Variants in VWF observed in about 807,000 individuals in gnomAD.
The protein encoded by VWF is Factor VIII related antigen.
VWF carries 176 observed loss-of-function variants against 308.6 expected under a neutral mutation model. The ratio of observed to expected loss-of-function variants is 0.57; its 90% confidence interval spans 0.50 to 0.65. VWF has a LOEUF of 0.65. Ranked by LOEUF, VWF falls within the 30% of genes least tolerant of loss-of-function variation. VWF has a pLI of 0.00. For synonymous variants in VWF, 1,385 were observed against 1,443.4 expected, an observed-to-expected ratio of 0.96 and a Z score of 0.92; for missense variants, 3,146 against 3,648.2, an observed-to-expected ratio of 0.86 and a Z score of 3.55.
intron 13 of VWF, among the ~76,000 whole-genome samples, chr12:6,062,135 C>T (rs1944660904): frequency 6.6e-6 from 1 of 152,102 alleles, no homozygotes. Flanking sequence ...AATCCTCCTA[C>T]AAGATCTTGA....
chr12:6,065,023 C>T, intron 11 of VWF, 114 bp downstream of exon 11: 1 of 1,479,426 alleles, frequency 6.8e-7, no homozygotes, highest in Non-Finnish European at 9.2e-7. Context: ...GAAGAGACCT[C>T]CCTCATGCAC....
chr12:6,046,966 T>C lies in VWF; in HGVS notation c.2187-149A>G. ...AAGCACAGCTTGCTAACGTTACCAA[T>C]GGATGATCCCCACGTCACTAAATCC... On this transcript the variant is annotated intron_variant, in intron 16 of 51. Coordinates refer to ENST00000261405, the MANE Select transcript of VWF (RefSeq NM_000552.5). The surrounding 1 kb of genome is among the most constrained non-coding windows in gnomAD (Gnocchi z 5.0). 3 of 726,728 alleles carry C rather than the reference T, an allele frequency of 4.1e-6. No homozygotes were observed. The highest frequency in any genetic ancestry group is 7.4e-6 in the Non-Finnish European group (3 of 407,968). 45.0% of individuals were successfully genotyped at this position (726,728 alleles called of 1,614,324 possible). A position where few individuals can be genotyped will look rare whatever the true frequency, so the allele number is the denominator to read the frequency against.
In VWF at chr12:5,949,794, A is replaced by G; in HGVS notation, c.8245T>C (p.Tyr2749His). The G allele has an allele frequency of 6.2e-7, 1 of 1,613,990 alleles. No individual in the cohort carries two copies. The highest frequency in any genetic ancestry group is 8.5e-7 in the Non-Finnish European group (1 of 1,179,842). ...TGAAGCAGAGCCCTTACCTGGCAGT[A>G]GTGGATATCCACCTCTACTTCAGAC... is the stretch of plus-strand genomic sequence containing the variant. ...CKSEVEVDIH[Y>H]CQGKCASKAM... The change falls in exon 51 of 52, where the codon TAC becomes CAC. Residue 2749 changes from tyrosine (Y) to histidine (H), a missense_variant. Transcript: ENST00000261405.
chr12:6,003,004 C>T (rs2136394853), intron 34 of VWF, among the ~76,000 whole-genome samples: 1 of 152,106 alleles, frequency 6.6e-6, no homozygotes, highest in Middle Eastern at 3.4e-3. Flanking sequence ...AGTAAATCAA[C>T]AGAAACTATC....
At chr12:5,989,822 G>A (rs1943718169) in intron 38 of VWF, among the ~76,000 whole-genome samples, 1 of 152,162 alleles carries the variant, frequency 6.6e-6, no homozygotes, top group African/African-American at 2.4e-5. Context: ...TCTCATCACA[G>A]AACGCCAAGG....
intron 47 of VWF, among the ~76,000 whole-genome samples, chr12:5,962,387 T>G (rs368322509): frequency 1.3e-5 from 2 of 151,942 alleles, no homozygotes; most frequent in East Asian, 1.9e-4. Context: ...AAAACAATCT[T>G]GAAAAACAGC....
At chr12:6,012,045 C>T (rs1325358983) in intron 33 of VWF, 42 bp downstream of exon 33, 1 of 1,609,192 alleles carries the variant, frequency 6.2e-7, no homozygotes, top group Admixed American at 1.7e-5. Context: ...GCCCCAAACA[C>T]ATCTCTAACC....
At chr12:6,033,127 G>A (rs1425868212) in intron 20 of VWF, among the ~76,000 whole-genome samples, 1 of 152,212 alleles carries the variant, frequency 6.6e-6, no homozygotes, top group Non-Finnish European at 1.5e-5. Context: ...TAATGGAATT[G>A]TCAGGTTAAA....
intron 34 of VWF, among the ~76,000 whole-genome samples, chr12:6,005,824 A>T (rs775057762): frequency 2.1e-4 from 32 of 152,338 alleles, no homozygotes; most frequent in Non-Finnish European, 4.1e-4. Context: ...AAGCTGAAAG[A>T]GTTCATCACC....
rs763386439 is a variant in VWF, at chr12:6,044,345, G to T, written c.2388C>A (p.Asp796Glu). Residue 796 changes from aspartate (D) to glutamate (E), a missense_variant, in exon 18 of 52, where the codon GAC (aspartate) becomes GAA (glutamate). Coordinates refer to ENST00000261405, the MANE Select transcript of VWF (RefSeq NM_000552.5). The stretch of plus-strand genomic sequence containing the variant: ...CACAGCCCATGCTCATGCACTCCAG[G>T]TCATAGTTCTGGCACGTTTTGGTAC... ...LECTKTCQNY[D>E]LECMSMGCVS... is the part of the protein sequence containing the mutation. The T allele has an allele frequency of 5.6e-6, 9 of 1,614,086 alleles. No homozygotes were observed. The highest frequency in any genetic ancestry group is 1.1e-5 in the South Asian group (1 of 91,080).
chr12:6,092,618 AGTGTGTGT>A (rs752209524), intron 6 of VWF, among the ~76,000 whole-genome samples: 2,783 of 65,950 alleles, frequency 0.042, 50 homozygotes, highest in Admixed American at 0.056. Flanking sequence ...AGTGAGTGAG[AGTGTGTGT>A]GTGTGTGTGT....
chr12:6,046,422 C>T lies in VWF; in HGVS notation c.2281+301G>A, dbSNP rs1450970524. Among the ~76,000 whole-genome samples, 3 of 152,258 alleles carry T rather than the reference C, an allele frequency of 2.0e-5. No individual in the cohort carries two copies. Among genetic ancestry groups the T allele is most frequent in the African/African-American group, 7.2e-5 (3 of 41,464 alleles). ...AAGGCCACCAACTCACAGCTATCCA[C>T]TGGGTTAAGGTCTCCACGGGCAAAA... On this transcript the variant is annotated intron_variant, in intron 17 of 51. Coordinates refer to ENST00000261405, the MANE Select transcript of VWF (RefSeq NM_000552.5). This position sits in a 1 kb window ranked among gnomAD's most constrained non-coding sequence, Gnocchi z 5.0.
chr12:5,971,546 C>T, intron 44 of VWF, 53 bp downstream of exon 44: 1 of 1,427,864 alleles, frequency 7.0e-7, no homozygotes, highest in Non-Finnish European at 9.9e-7. Flanking sequence ...CAACGCTGGT[C>T]CCTGGAGTGG....
rs1283761363 is a variant in VWF at position 6,064,348 on chromosome 12, CG to C, written c.1329del (p.Val444SerfsTer13). On this transcript the variant is annotated frameshift_variant, in exon 12 of 52. Coordinates refer to ENST00000261405, the MANE Select transcript of VWF (RefSeq NM_000552.5). LOFTEE classifies it high-confidence loss of function. ...ADDRDAVCTR[S>X]VTVRLPGLHN... ...TGCAGGCCAGGCAGCCGGACGGTGA[CG>C]GAGCGGGTGCACACAGCGTCGCGGT... The C allele has an allele frequency of 6.2e-7, 1 of 1,614,050 alleles. No individual in the cohort carries two copies. Among genetic ancestry groups the C allele is most frequent in the African/African-American group, 1.3e-5 (1 of 74,924 alleles).
intron 3 of VWF, among the ~76,000 whole-genome samples, chr12:6,111,385 C>A (rs1388665474): frequency 6.6e-6 from 1 of 152,170 alleles, no homozygotes; most frequent in Non-Finnish European, 1.5e-5. Flanking sequence ...CATTCATTCA[C>A]TTATTGAGAC....
intron 34 of VWF, among the ~76,000 whole-genome samples, chr12:6,001,831 G>A (rs1943876396): frequency 6.6e-6 from 1 of 152,132 alleles, no homozygotes. Flanking sequence ...AACTGATCAT[G>A]TATTAGATCA....
At chr12:6,065,076 C>A in intron 11 of VWF, 61 bp downstream of exon 11, 1 of 1,612,026 alleles carries the variant, frequency 6.2e-7, no homozygotes, top group African/African-American at 1.3e-5. Context: ...CCCATTCAGC[C>A]TAGCAGCTAT....
In VWF at chr12:6,058,053, G is replaced by T. The variant is rs1225020106; in HGVS notation, c.1534-9C>A. 1.2e-6 allele frequency: 2 copies of T among 1,612,970 alleles called. No homozygotes were observed. The highest frequency in any genetic ancestry group is 8.5e-7 in the Non-Finnish European group (1 of 1,180,014). The stretch of plus-strand genomic sequence containing the variant: ...GCATAGACGGGGGACAGCTGCAGGA[G>T]AGACCAGGCCACTCTGGAGCCGCTG... On this transcript the variant is annotated splice_polypyrimidine_tract_variant and intron_variant, in intron 13 of 51. Transcript: ENST00000261405. The surrounding 1 kb of genome is among the most constrained non-coding windows in gnomAD (Gnocchi z 4.9).
rs566113669 is a variant in VWF, at chr12:6,111,634, C to T, written c.221-666G>A. Among the ~76,000 whole-genome samples the T allele has an allele frequency of 2.4e-4, 36 of 152,282 alleles. No individual in the cohort carries two copies. In the South Asian group the frequency reaches 3.7e-3, roughly 16 times the overall value. ...GAGTAATTACAGGCATGAGCCACCC[C>T]GCTCTGGCCTAGCAGTGCTATTTAA... is the stretch of plus-strand genomic sequence containing the variant. On this transcript the variant is annotated intron_variant, in intron 3 of 51. Transcript: ENST00000261405.
Sources: allele counts gnomAD v4.1 joint callset (sites outside exome capture counted in the v4.1 genomes callset), GRCh38; gene constraint gnomAD v4.1.1; non-coding constraint Gnocchi (gnomAD v3.1); transcripts MANE v1.5; gene names NCBI Gene and HGNC (gene_info 2026-07-23, HGNC 2026-07-21).